BTRC: variants seen among roughly 807,000 people sequenced by gnomAD.
The protein encoded by BTRC is F-box/WD repeat-containing protein 1A.
Under a neutral mutation model 85.5 loss-of-function variants are expected in BTRC, and 42 were observed. The ratio of observed to expected loss-of-function variants is 0.49; its 90% CI spans 0.38 to 0.64. The LOEUF is 0.64. Among genes scored for constraint, BTRC ranks in the 30% least tolerant of loss-of-function variants. The probability of loss-of-function intolerance (pLI) is 0.00; values close to 1 mark genes in which losing one functional copy is unlikely to be tolerated. For synonymous variants in BTRC, 255 were observed against 263.3 expected, an observed-to-expected ratio of 0.97 and a Z score of 0.30; for missense variants, 594 against 743.5, an observed-to-expected ratio of 0.80 and a Z score of 2.34.
intron 3 of BTRC, among the ~76,000 whole-genome samples, chr10:101,471,788 T>A (rs1283934609): frequency 6.6e-6 from 1 of 152,200 alleles, no homozygotes; most frequent in East Asian, 1.9e-4. Context: ...GAATTTCTTT[T>A]AGAGGTATAG....
chr10:101,455,983 A>AAAACACACAC (rs1554881059), intron 2 of BTRC, among the ~76,000 whole-genome samples: 2 of 96,042 alleles, frequency 2.1e-5, no homozygotes, highest in South Asian at 3.7e-4. Flanking sequence ...CTCTACTAAA[A>AAAACACACAC]ACACACACAC....
At chr10:101,430,542 TTA>T in intron 2 of BTRC, 90 bp downstream of exon 2, 1 of 988,062 alleles carries the variant, frequency 1.0e-6, no homozygotes, top group Non-Finnish European at 1.6e-6. Context: ...CATACTTTAC[TTA>T]TATTCATCTT....
At chr10:101,408,128 T>G (rs956465755) in intron 1 of BTRC, among the ~76,000 whole-genome samples, 1 of 152,216 alleles carries the variant, frequency 6.6e-6, no homozygotes, top group Non-Finnish European at 1.5e-5. Flanking sequence ...TGTAACATAT[T>G]TCAATTTGGA....
At chr10:101,375,421 G>A (rs2133949159) in intron 1 of BTRC, among the ~76,000 whole-genome samples, 1 of 152,306 alleles carries the variant, frequency 6.6e-6, no homozygotes, top group African/African-American at 2.4e-5. Context: ...TGTACAGCCT[G>A]CAGAACCGTG....
At position 101,521,879 on chromosome 10, in the gene BTRC, A is replaced by G. The variant is rs747653515; in HGVS notation, c.556+9A>G. 1.4e-5 allele frequency: 22 copies of G among 1,586,468 alleles called. No individual in the cohort carries two copies. Among genetic ancestry groups the G allele is most frequent in the Middle Eastern group, 1.7e-4 (1 of 6,016 alleles). ...CATAACTGCTCTGCCAGGTATGTCT[A>G]CAAGTGTTTGTAAACCATTAATTTG... On this transcript the variant is annotated intron_variant, in intron 5 of 14. Transcript: ENST00000370187.
chr10:101,546,381 ATTGCAAGATAAATT>A, intron 13 of BTRC, among the ~76,000 whole-genome samples: 1 of 152,304 alleles, frequency 6.6e-6, no homozygotes, highest in South Asian at 2.1e-4. Context: ...TCAAGAAGAA[ATTGCAAGATAAATT>A]GAAATGTATT....
intron 8 of BTRC, among the ~76,000 whole-genome samples, 194 bp from the exon 9 acceptor site, chr10:101,532,750 ATGTGTGTG>A (rs71643587): frequency 2.0e-4 from 20 of 102,230 alleles, no homozygotes; most frequent in East Asian, 8.8e-4. Context: ...CTGAAGCTAT[ATGTGTGTG>A]TGTGTGTGTG....
At chr10:101,513,454 C>G (rs914432763) in intron 4 of BTRC, among the ~76,000 whole-genome samples, 1 of 152,204 alleles carries the variant, frequency 6.6e-6, no homozygotes, top group Non-Finnish European at 1.5e-5. Flanking sequence ...ATCTCTACAT[C>G]CAGCCTCAGG....
In BTRC at chr10:101,550,706, C is replaced by T. The variant is rs1371083246; in HGVS notation, c.1664C>T (p.Ser555Phe). The change falls in exon 14 of 15, where the codon TCC becomes TTC. Residue 555 changes from serine to phenylalanine, a missense_variant. Transcript: ENST00000370187. The stretch of plus-strand genomic sequence containing the variant: ...TTGTTTCTACTTCTTTAGGAGCATT[C>T]CGGAAGAGTTTTTCGACTACAGTTT... ...TLCLRTLVEH[S>F]GRVFRLQFDE... 14 of 1,612,150 alleles carry T rather than the reference C, an allele frequency of 8.7e-6. No individual in the cohort carries two copies. Among genetic ancestry groups the T allele is most frequent in the Non-Finnish European group, 1.1e-5 (13 of 1,178,386 alleles).
Position 101,536,567 on chromosome 10 carries a change from A to G in BTRC, c.1491A>G (p.Ala497=), listed in dbSNP as rs752199397. 17 of 1,613,512 alleles carry G rather than the reference A, an allele frequency of 1.1e-5. No individual in the cohort carries two copies. Among genetic ancestry groups the G allele is most frequent in the Admixed American group, 1.7e-5 (1 of 59,990 alleles). ...TIRLWDIECG[A]CLRVLEGHEE... is the part of the protein sequence containing the mutation. ...GATTATGGGACATAGAATGTGGTGCATGTTTACGAGTGTTAGAAGGCCATG... is the reference window on the plus strand; with the variant it reads ...GATTATGGGACATAGAATGTGGTGCGTGTTTACGAGTGTTAGAAGGCCATG... Residue 497 remains alanine, a synonymous_variant, in exon 12 of 15, where the codon GCA becomes GCG. Coordinates refer to ENST00000370187, the MANE Select transcript of BTRC (RefSeq NM_033637.4).
At chr10:101,413,290 C>T (rs564416339) in intron 1 of BTRC, among the ~76,000 whole-genome samples, 15 of 151,754 alleles carry the variant, frequency 9.9e-5, no homozygotes, top group Non-Finnish European at 1.9e-4. Context: ...ATTATAGGTG[C>T]CCACCACCAC....
intron 1 of BTRC, among the ~76,000 whole-genome samples, chr10:101,377,516 T>C (rs1009071686): frequency 6.6e-6 from 1 of 152,310 alleles, no homozygotes; most frequent in African/African-American, 2.4e-5. Context: ...GAGTTCTAGT[T>C]GATCTACATC....
At chr10:101,448,180 C>G (rs941363695) in intron 2 of BTRC, among the ~76,000 whole-genome samples, 3 of 152,072 alleles carry the variant, frequency 2.0e-5, no homozygotes, top group African/African-American at 7.2e-5. Flanking sequence ...AGACCTTAGG[C>G]TTAAGAGAAA....
chr10:101,363,190 C>T (rs1340569642), intron 1 of BTRC, among the ~76,000 whole-genome samples: 1 of 152,102 alleles, frequency 6.6e-6, no homozygotes, highest in African/African-American at 2.4e-5. Context: ...ATTATTATCC[C>T]CATTTCTCAT....
chr10:101,459,787 T>G (rs1312642598), intron 2 of BTRC, among the ~76,000 whole-genome samples: 1 of 152,180 alleles, frequency 6.6e-6, no homozygotes, highest in Non-Finnish European at 1.5e-5. Context: ...CATCTAAATC[T>G]GATAAAATAG....
intron 6 of BTRC, among the ~76,000 whole-genome samples, chr10:101,528,271 G>C (rs1037012379): frequency 6.6e-6 from 1 of 151,420 alleles, no homozygotes; most frequent in Non-Finnish European, 1.5e-5. Flanking sequence ...CAAGAAGTAA[G>C]TGGGCAGTTC....
intron 1 of BTRC, among the ~76,000 whole-genome samples, chr10:101,418,424 A>G (rs1944005503): frequency 6.6e-6 from 1 of 152,076 alleles, no homozygotes; most frequent in Non-Finnish European, 1.5e-5. Flanking sequence ...TTTACAAGTG[A>G]GTTGTATTTA....
At chr10:101,498,327 T>G (rs1424101316) in intron 4 of BTRC, among the ~76,000 whole-genome samples, 1 of 151,972 alleles carries the variant, frequency 6.6e-6, no homozygotes, top group African/African-American at 2.4e-5. Context: ...CTAATTTTTG[T>G]ATTTTTAGTA....
At chr10:101,519,544 ACT>A (rs1452978962) in intron 4 of BTRC, among the ~76,000 whole-genome samples, 2 of 152,026 alleles carry the variant, frequency 1.3e-5, no homozygotes, top group Non-Finnish European at 2.9e-5. Flanking sequence ...GTTGAAGCAA[ACT>A]CTGTGCTTGT....
Sources: allele counts gnomAD v4.1 joint callset (sites outside exome capture counted in the v4.1 genomes callset), GRCh38; gene constraint gnomAD v4.1.1; transcripts MANE v1.5; gene names NCBI Gene and HGNC (gene_info 2026-07-23, HGNC 2026-07-21).